ACSM2A: variants seen among roughly 807,000 people sequenced by gnomAD.
ACSM2A encodes acyl-CoA synthetase medium chain family member 2A.
Under a neutral mutation model 76.6 loss-of-function variants are expected in ACSM2A, and 72 were observed. The observed-to-expected ratio is 0.94, with a 90% CI of 0.78 to 1.14. ACSM2A has a LOEUF of 1.14. ACSM2A is among the 50% of genes most tolerant of loss of function. The pLI is 0.00. For synonymous variants in ACSM2A, 249 were observed against 255.9 expected, an observed-to-expected ratio of 0.97 and a Z score of 0.26; for missense variants, 684 against 708.5, an observed-to-expected ratio of 0.97 and a Z score of 0.39.
intron 1 of ACSM2A, chr16:20,452,527 A>T (rs1389265147): frequency 1.6e-5 from 2 of 126,054 alleles, no homozygotes; most frequent in African/African-American, 6.7e-5. Flanking sequence ...ATATACACAC[A>T]TACATATGTT....
At position 20,469,562 on chromosome 16, in the gene ACSM2A, T is replaced by C; in HGVS notation, c.439T>C (p.Tyr147His). 5 of 1,613,832 alleles carry C rather than the reference T, an allele frequency of 3.1e-6. No individual in the cohort carries two copies. The highest frequency in any genetic ancestry group is 4.2e-6 in the Non-Finnish European group (5 of 1,179,810). ...CCAGATGAAATCCACTGACATACTG[T>C]ATAGGTTGCAGATGTCTAAGGCCAA... ...TIQMKSTDIL[Y>H]RLQMSKAKAI... is the part of the protein sequence containing the mutation. The change falls in exon 4 of 14, where the codon TAT (tyrosine) becomes CAT (histidine). Residue 147 changes from tyrosine (Y) to histidine (H), a missense_variant. Tyr to His is a moderately conservative substitution (Grantham distance 83, BLOSUM62 2). Transcript: ENST00000573854.
chr16:20,464,971 T>C (rs931983492), intron 2 of ACSM2A, among the ~76,000 whole-genome samples: 4 of 151,112 alleles, frequency 2.6e-5, no homozygotes, highest in African/African-American at 9.7e-5. Flanking sequence ...TTAAAAAAAG[T>C]AAATAGATAG....
chr16:20,454,455 G>T (rs939822691), intron 1 of ACSM2A, among the ~76,000 whole-genome samples: 1 of 151,856 alleles, frequency 6.6e-6, no homozygotes, highest in Non-Finnish European at 1.5e-5. Context: ...AACCCATGCT[G>T]CCATCAGCCT....
rs111747172 is a variant in ACSM2A, at chr16:20,471,805, T to C, written c.894+116T>C. Reference sequence around the variant, plus strand: ...TTTTTGCTAAACCCCTGCCATGTGGTGAACAGTGTTCAGTAAACGAGATGG... The same window carrying C: ...TTTTTGCTAAACCCCTGCCATGTGGCGAACAGTGTTCAGTAAACGAGATGG... On this transcript the variant is annotated intron_variant, in intron 6 of 13. Transcript: ENST00000573854. 13 of 1,515,344 alleles carry C rather than the reference T, an allele frequency of 8.6e-6. No homozygotes were observed. The African/African-American group carries it at 9.7e-5, about 11-fold the overall frequency. 93.9% of individuals were successfully genotyped at this position (1,515,344 alleles called of 1,614,324 possible). A position where few individuals can be genotyped will look rare whatever the true frequency, so the allele number is the denominator to read the frequency against.
chr16:20,460,099 T>G lies in ACSM2A; in HGVS notation c.-8-8T>G. The G allele has an allele frequency of 3.8e-6, 6 of 1,599,656 alleles. No individual in the cohort carries two copies. Among genetic ancestry groups the G allele is most frequent in the Non-Finnish European group, 5.1e-6 (6 of 1,171,610 alleles). On this transcript the variant is annotated splice_region_variant and splice_polypyrimidine_tract_variant and intron_variant, in intron 1 of 13. Transcript: ENST00000573854. ...AGCTCTCACCTGTGTCTCTTCTTTCTTTTACAGGCCTGAATATGCATTGGC... is the reference window on the plus strand; with the variant it reads ...AGCTCTCACCTGTGTCTCTTCTTTCGTTTACAGGCCTGAATATGCATTGGC...
At chr16:20,466,601 A>C (rs936099931) in intron 3 of ACSM2A, among the ~76,000 whole-genome samples, 1 of 152,250 alleles carries the variant, frequency 6.6e-6, no homozygotes, top group African/African-American at 2.4e-5. Flanking sequence ...CCAAGGGGCT[A>C]AGGAATAGTA....
rs2014427943 is a variant in ACSM2A, at chr16:20,487,276, A to C, written c.*598A>C. ...GAAGTAAAGAGGAAAACTTATAAATATTCCCACAGATAGACAAAGTCAAGC... is the reference window on the plus strand; with the variant it reads ...GAAGTAAAGAGGAAAACTTATAAATCTTCCCACAGATAGACAAAGTCAAGC... On this transcript the variant is annotated 3_prime_UTR_variant, in exon 14 of 14. Transcript: ENST00000573854. 1 of 152,316 alleles carries C rather than the reference A, an allele frequency of 6.6e-6. No homozygotes were observed. Among genetic ancestry groups the C allele is most frequent in the African/African-American group, 2.4e-5 (1 of 41,448 alleles). The allele number at this position is 152,316 out of a possible 1,614,324, so 9.4% of individuals were successfully genotyped here. A position where few individuals can be genotyped will look rare whatever the true frequency, so the allele number is the denominator to read the frequency against.
At chr16:20,475,298 G>A in intron 6 of ACSM2A, 64 bp from the exon 7 acceptor site, 1 of 1,611,918 alleles carries the variant, frequency 6.2e-7, no homozygotes, top group Non-Finnish European at 8.5e-7. Flanking sequence ...TGTAACCACT[G>A]TGCATAGCCA....
intron 1 of ACSM2A, among the ~76,000 whole-genome samples, chr16:20,456,877 T>A (rs7186923): frequency 1.4e-5 from 2 of 142,588 alleles, no homozygotes; most frequent in East Asian, 2.0e-4. Context: ...TTTGAAAAGA[T>A]AAATAAGATT....
At chr16:20,479,576 A>T (rs2013968179) in intron 10 of ACSM2A, among the ~76,000 whole-genome samples, 1 of 152,196 alleles carries the variant, frequency 6.6e-6, no homozygotes, top group African/African-American at 2.4e-5. Flanking sequence ...GAATTGTTGT[A>T]GATCCAAATG....
At chr16:20,485,896 A>T (rs913084291) in intron 13 of ACSM2A, among the ~76,000 whole-genome samples, 2 of 152,250 alleles carry the variant, frequency 1.3e-5, no homozygotes, top group South Asian at 4.1e-4. Flanking sequence ...AGGCATCTTC[A>T]CCATCCATAT....
At chr16:20,479,435 T>A (rs1009758261) in intron 10 of ACSM2A, among the ~76,000 whole-genome samples, 4 of 152,194 alleles carry the variant, frequency 2.6e-5, no homozygotes, top group African/African-American at 9.7e-5. Context: ...CCTATAAAGT[T>A]TTTGGACTCA....
chr16:20,476,646 G>A, intron 8 of ACSM2A: 2 of 986,248 alleles, frequency 2.0e-6, no homozygotes, highest in Non-Finnish European at 2.4e-6. Context: ...TCACTCAGCA[G>A]CCTCTCTTCT....
chr16:20,474,111 T>C, intron 6 of ACSM2A: 2 of 440,326 alleles, frequency 4.5e-6, no homozygotes, highest in South Asian at 3.3e-5. Flanking sequence ...CTAAAATGTA[T>C]AAAACCAAGG....
In ACSM2A at chr16:20,463,443, C is replaced by T. The variant is rs528021942; in HGVS notation, c.178-2074C>T. On this transcript the variant is annotated intron_variant, in intron 2 of 13. Coordinates refer to ENST00000573854, the MANE Select transcript of ACSM2A (RefSeq NM_001308172.2). ...TTGGATCATACGGGCAGGTCCCACA[C>T]GAATGACTTAGCACCATCCCCTTCG... Among the ~76,000 whole-genome samples, 169 of 151,638 alleles carry T rather than the reference C, an allele frequency of 1.1e-3. 1 individual carries two copies. Among genetic ancestry groups the T allele is most frequent in the African/African-American group, 3.7e-3 (154 of 41,138 alleles).
chr16:20,456,820 A>T (rs1210723265), intron 1 of ACSM2A, among the ~76,000 whole-genome samples: 1 of 151,014 alleles, frequency 6.6e-6, no homozygotes. Flanking sequence ...AACTAAATGA[A>T]ATTGAGATAA....
chr16:20,458,904 G>GTATATATATATATATATATATATGTA, intron 1 of ACSM2A, among the ~76,000 whole-genome samples: 1 of 27,388 alleles, frequency 3.7e-5, no homozygotes, highest in South Asian at 1.9e-3. Flanking sequence ...ATATATATAT[G>GTATATATATATATATATATATATGTA]CATATATATA....
chr16:20,468,233 C>T (rs1031857529), intron 3 of ACSM2A, among the ~76,000 whole-genome samples: 2 of 152,252 alleles, frequency 1.3e-5, no homozygotes, highest in African/African-American at 4.8e-5. Flanking sequence ...AGGATATTTA[C>T]AGGTATGCAG....
At chr16:20,477,600 G>T in intron 9 of ACSM2A, 151 bp downstream of exon 9, 1 of 1,401,976 alleles carries the variant, frequency 7.1e-7, no homozygotes, top group Non-Finnish European at 9.4e-7. Flanking sequence ...GTTGGGGGAA[G>T]GAAAGAGTGA....
Sources: gnomAD v4.1 joint callset for allele counts (sites outside exome capture counted in the v4.1 genomes callset) on GRCh38, gnomAD v4.1.1 for gene constraint, MANE v1.5 for transcripts, NCBI Gene and HGNC (gene_info 2026-07-23, HGNC 2026-07-21) for gene names.